Variants in MSI2 observed in about 807,000 individuals in gnomAD.
The protein encoded by MSI2 is musashi RNA binding protein 2.
Under a neutral mutation model 45.6 loss-of-function variants are expected in MSI2, and 17 were observed. The observed-to-expected ratio is 0.37, with a 90% confidence interval of 0.26 to 0.56. The LOEUF is 0.56. Among genes scored for constraint, MSI2 ranks in the 20% least tolerant of loss-of-function variants. The pLI is 0.77. For synonymous variants in MSI2, 156 were observed against 158.2 expected (o/e 0.99, Z 0.11); for missense variants, 293 against 444.2 (o/e 0.66, Z 3.06).
chr17:57,599,921 G>A (rs2144477808), intron 8 of MSI2, among the ~76,000 whole-genome samples: 1 of 152,318 alleles, frequency 6.6e-6, no homozygotes, highest in African/African-American at 2.4e-5. Flanking sequence ...GTGCAAGCTT[G>A]ATCTGTGTTA....
At chr17:57,294,085 T>C (rs953763608) in intron 5 of MSI2, among the ~76,000 whole-genome samples, 2 of 152,112 alleles carry the variant, frequency 1.3e-5, no homozygotes, top group Non-Finnish European at 2.9e-5. Context: ...GGAGAGGGGC[T>C]GGAGGGGACC....
At chr17:57,340,352 C>T (rs1915027348) in intron 5 of MSI2, among the ~76,000 whole-genome samples, 1 of 152,192 alleles carries the variant, frequency 6.6e-6, no homozygotes, top group Non-Finnish European at 1.5e-5. Context: ...GGTTCATTTC[C>T]CAGAGCCTCC....
intron 7 of MSI2, among the ~76,000 whole-genome samples, chr17:57,553,127 T>A (rs1416592866): frequency 6.6e-6 from 1 of 151,972 alleles, no homozygotes; most frequent in East Asian, 1.9e-4. Flanking sequence ...AGCCTTTGGT[T>A]GTCCATCCCC....
chr17:57,640,090 G>A (rs557574892), intron 10 of MSI2, among the ~76,000 whole-genome samples: 1 of 152,226 alleles, frequency 6.6e-6, no homozygotes, highest in African/African-American at 2.4e-5. Flanking sequence ...TAGAGGAGGT[G>A]GGGGGAGCTG....
At chr17:57,384,558 T>C (rs1409386333) in intron 5 of MSI2, among the ~76,000 whole-genome samples, 2 of 152,210 alleles carry the variant, frequency 1.3e-5, no homozygotes. Context: ...TGTCCTCTGT[T>C]GGTTGAAGTA....
chr17:57,597,022 G>C lies in MSI2; in HGVS notation c.537+72G>C, dbSNP rs6503819. The C allele has an allele frequency of 4.0e-3, 4,516 of 1,141,394 alleles. 119 individuals carry two copies. In the African/African-American group the frequency reaches 0.06, roughly 15 times the overall value. The allele number at this position is 1,141,394 out of a possible 1,614,324, so 70.7% of individuals were successfully genotyped here. Reference sequence around the variant, plus strand: ...CGTACACACCCAGTCTTGCAGACTGGTCCAGCCCATCATCAGGCTGGAGTG... The same window carrying C: ...CGTACACACCCAGTCTTGCAGACTGCTCCAGCCCATCATCAGGCTGGAGTG... On this transcript the variant is annotated intron_variant, in intron 8 of 13. Coordinates refer to ENST00000284073, the MANE Select transcript of MSI2 (RefSeq NM_138962.4).
chr17:57,419,407 G>A (rs1042809797), intron 6 of MSI2, among the ~76,000 whole-genome samples: 14 of 151,198 alleles, frequency 9.3e-5, no homozygotes, highest in African/African-American at 2.9e-4. Flanking sequence ...CTGTCACCCA[G>A]GCTGGAGTGC....
rs146780733 is a variant in MSI2, at chr17:57,553,183, G to A, written c.454+23459G>A. Among the ~76,000 whole-genome samples, 72 of 152,286 alleles carry A rather than the reference G, an allele frequency of 4.7e-4. No homozygotes were observed. In the East Asian group the frequency reaches 0.01, roughly 22 times the overall value. The stretch of plus-strand genomic sequence containing the variant: ...CCAAGGCCAGACTCGAGGGCTCAGC[G>A]CTTCAGTTGAGTAGTCCTGATTGAA... On this transcript the variant is annotated intron_variant, in intron 7 of 13. Transcript: ENST00000284073.
intron 5 of MSI2, among the ~76,000 whole-genome samples, chr17:57,282,163 A>G (rs533082358): frequency 2.2e-4 from 34 of 152,182 alleles, no homozygotes; most frequent in Non-Finnish European, 4.6e-4. Flanking sequence ...TGACGGGTTC[A>G]TTTCAAACAA....
chr17:57,634,391 G>A (rs2144632585), intron 10 of MSI2, among the ~76,000 whole-genome samples: 1 of 152,222 alleles, frequency 6.6e-6, no homozygotes, highest in East Asian at 1.9e-4. Context: ...GCTTGAGCCT[G>A]GGAGGCGGAG....
chr17:57,634,074 T>G (rs1909639869), intron 10 of MSI2, among the ~76,000 whole-genome samples: 1 of 152,190 alleles, frequency 6.6e-6, no homozygotes. Context: ...TGGACATGAA[T>G]AAGACTGACT....
chr17:57,256,854 G>A, intron 1 of MSI2, 50 bp downstream of exon 1: 2 of 1,373,010 alleles, frequency 1.5e-6, no homozygotes, highest in Non-Finnish European at 1.9e-6. Context: ...CGCTCTCCTT[G>A]CAGCGGCGGG....
intron 7 of MSI2, chr17:57,531,632 C>A (rs1403782738): frequency 6.6e-6 from 1 of 152,186 alleles, no homozygotes; most frequent in Non-Finnish European, 1.5e-5. Context: ...TCCAGAGTTG[C>A]CCCCAGGTGA....
intron 5 of MSI2, among the ~76,000 whole-genome samples, chr17:57,388,388 G>T (rs984161933): frequency 1.3e-5 from 2 of 152,186 alleles, no homozygotes; most frequent in Non-Finnish European, 1.5e-5. Flanking sequence ...AGACCACTGC[G>T]CTCAGGGTGC....
At chr17:57,505,735 G>A (rs1048493924) in intron 6 of MSI2, among the ~76,000 whole-genome samples, 3 of 152,104 alleles carry the variant, frequency 2.0e-5, no homozygotes, top group Non-Finnish European at 2.9e-5. Flanking sequence ...TTGGGGGTGC[G>A]GCGGGGGGTT....
chr17:57,450,277 A>AGAAAGAGAGAAAGAG (rs1567830706), intron 6 of MSI2: 40 of 120,734 alleles, frequency 3.3e-4, no homozygotes, highest in African/African-American at 1.4e-3. Context: ...GAAAGAAAGA[A>AGAAAGAGAGAAAGAG]AGAAAGAAAG....
chr17:57,428,381 C>A (rs2084533170), intron 6 of MSI2, among the ~76,000 whole-genome samples: 1 of 151,712 alleles, frequency 6.6e-6, no homozygotes, highest in Non-Finnish European at 1.5e-5. Context: ...AGCCACCCCA[C>A]CTGGCCTTTA....
intron 5 of MSI2, chr17:57,286,015 A>G: frequency 1.3e-6 from 2 of 1,526,568 alleles, no homozygotes; most frequent in Non-Finnish European, 1.7e-6. Flanking sequence ...TGATGAGGGT[A>G]AGAAAAAGTT....
intron 6 of MSI2, among the ~76,000 whole-genome samples, chr17:57,515,383 T>A (rs1205729300): frequency 6.6e-6 from 1 of 152,200 alleles, no homozygotes; most frequent in Admixed American, 6.5e-5. Context: ...TTTGTATTTT[T>A]TAGTGGAGAT....
Sources: gnomAD v4.1 joint callset for allele counts (sites outside exome capture counted in the v4.1 genomes callset) on GRCh38, gnomAD v4.1.1 for gene constraint, MANE v1.5 for transcripts, NCBI Gene and HGNC (gene_info 2026-07-23, HGNC 2026-07-21) for gene names.